Variants in GEMIN5 observed in about 807,000 individuals in gnomAD.
The protein encoded by GEMIN5 is gem-associated protein 5.
In GEMIN5, 124 loss-of-function variants were observed where a neutral mutation model predicts 176.9. The ratio of observed to expected loss-of-function variants is 0.70; its 90% CI spans 0.61 to 0.81. GEMIN5 has a LOEUF of 0.81. GEMIN5 is among the 40% of genes least tolerant of loss of function. GEMIN5 has a pLI of 0.00. For synonymous variants in GEMIN5, 673 were observed against 665.2 expected, an observed-to-expected ratio of 1.01 and a Z score of -0.18; for missense variants, 1,843 against 1,814.6, an observed-to-expected ratio of 1.02 and a Z score of -0.28.
rs768329196 is a variant in GEMIN5 at position 154,891,300 on chromosome 5, A to G, written c.4203T>C (p.Pro1401=). ...CTTCTACTTCCGGTTCATTCTTATC[A>G]GGACCATTTGCTGTGGATTTACAGA... The part of the protein sequence containing the change: ...SQLCKSTANG[P]DKNEPEVEAE... The change falls in exon 26 of 28, where the codon CCT becomes CCC. Residue 1401 remains proline, a synonymous_variant. Coordinates refer to ENST00000285873, the MANE Select transcript of GEMIN5 (RefSeq NM_015465.5). The G allele has an allele frequency of 1.9e-6, 3 of 1,613,990 alleles. No homozygotes were observed. In the South Asian group the frequency reaches 3.3e-5, roughly 18 times the overall value.
chr5:154,902,194 T>C (rs1215709344), intron 20 of GEMIN5, among the ~76,000 whole-genome samples: 1 of 152,088 alleles, frequency 6.6e-6, no homozygotes, highest in African/African-American at 2.4e-5. Flanking sequence ...AACAGAGCGC[T>C]ATAGGTCTGA....
At chr5:154,917,289 G>A (rs1763833771) in intron 12 of GEMIN5, 110 bp from the exon 13 acceptor site, 3 of 516,148 alleles carry the variant, frequency 5.8e-6, no homozygotes, top group African/African-American at 1.9e-5. Context: ...AGGTGGAAAA[G>A]GATAACCCTT....
At chr5:154,890,472 T>A (rs997070111) in intron 26 of GEMIN5, among the ~76,000 whole-genome samples, 3 of 150,168 alleles carry the variant, frequency 2.0e-5, no homozygotes, top group South Asian at 2.1e-4. Context: ...ATTTAATTTT[T>A]TTTTTTTTTT....
At chr5:154,906,558 T>C (rs1217272388) in intron 16 of GEMIN5, among the ~76,000 whole-genome samples, 1 of 152,008 alleles carries the variant, frequency 6.6e-6, no homozygotes, top group East Asian at 1.9e-4. Flanking sequence ...AGCCATTTTG[T>C]GAAAGAAAGA....
intron 9 of GEMIN5, among the ~76,000 whole-genome samples, chr5:154,923,621 T>C (rs182311609): frequency 4.7e-4 from 72 of 152,364 alleles, no homozygotes; most frequent in African/African-American, 1.7e-3. Flanking sequence ...CTGAATTTTA[T>C]TTAATCTTCA....
intron 26 of GEMIN5, among the ~76,000 whole-genome samples, chr5:154,890,072 T>G (rs951608220): frequency 6.6e-6 from 1 of 152,236 alleles, no homozygotes; most frequent in Non-Finnish European, 1.5e-5. Context: ...CTGCATCATT[T>G]TACATTCCCA....
chr5:154,932,873 T>C (rs578244810), intron 3 of GEMIN5, among the ~76,000 whole-genome samples: 1 of 152,344 alleles, frequency 6.6e-6, no homozygotes, highest in Non-Finnish European at 1.5e-5. Context: ...CCAACTCTTC[T>C]AACTAGAGAT....
At chr5:154,928,070 C>T (rs1019103822) in intron 6 of GEMIN5, among the ~76,000 whole-genome samples, 11 of 152,112 alleles carry the variant, frequency 7.2e-5, no homozygotes, top group African/African-American at 1.9e-4. Context: ...TATATACTTT[C>T]GTTCTTCTTG....
intron 1 of GEMIN5, among the ~76,000 whole-genome samples, 164 bp from the exon 2 acceptor site, chr5:154,937,349 A>C (rs558927880): frequency 2.0e-5 from 3 of 152,326 alleles, no homozygotes. Context: ...AAGTGCTGAT[A>C]TTGGCTGTGC....
At chr5:154,903,249 G>A (rs1442348092) in intron 18 of GEMIN5, 74 bp from the exon 19 acceptor site, 17 of 977,232 alleles carry the variant, frequency 1.7e-5, no homozygotes, top group East Asian at 2.4e-5. Flanking sequence ...AATAACTTCC[G>A]AATATATGTT....
At chr5:154,936,104 G>T in intron 2 of GEMIN5, 82 bp from the exon 3 acceptor site, 1 of 853,526 alleles carries the variant, frequency 1.2e-6, no homozygotes, top group Non-Finnish European at 1.8e-6. Context: ...CCAGCATAAT[G>T]CTACATATAC....
rs762503008 is a variant in GEMIN5 at position 154,903,131 on chromosome 5, G to T, written c.2677C>A (p.Leu893Met). 59 of 1,613,186 alleles carry T rather than the reference G, an allele frequency of 3.7e-5. No homozygotes were observed. Among genetic ancestry groups the T allele is most frequent in the South Asian group, 9.9e-5 (9 of 91,056 alleles). ...GTAGCCCTGTCTGTGAAAAGCCCCAGATGAAATCTTTCCTCAACATCAGCA... is the reference window on the plus strand; with the variant it reads ...GTAGCCCTGTCTGTGAAAAGCCCCATATGAAATCTTTCCTCAACATCAGCA... Reference protein sequence around the residue: ...VSADVEERFHLGLFTDRATLY... With the variant: ...VSADVEERFHMGLFTDRATLY... The change falls in exon 19 of 28, where the codon CTG becomes ATG. Residue 893 changes from leucine (L) to methionine (M), a missense_variant. Physicochemically the swap from Leu to Met is conservative, Grantham distance 15. Transcript: ENST00000285873.
intron 3 of GEMIN5, among the ~76,000 whole-genome samples, chr5:154,934,226 G>A (rs181978373): frequency 4.6e-5 from 7 of 152,086 alleles, no homozygotes; most frequent in African/African-American, 1.7e-4. Flanking sequence ...CGCTCTTGTT[G>A]CCCAGGCTGG....
chr5:154,896,259 AG>A lies in GEMIN5; in HGVS notation c.3429del (p.Ser1144LeufsTer17), dbSNP rs1458106178. ...EKQLSEGKSS[S>X]SYHTWNTGTE... ...GTGCCCGTGTTCCAAGTGTGGTAAG[AG>A]GAGGAGCTTTTGCCCTCTGAAAGCT... On this transcript the variant is annotated frameshift_variant, in exon 24 of 28. Transcript: ENST00000285873. LOFTEE classifies it high-confidence loss of function. The A allele has an allele frequency of 5.0e-6, 8 of 1,613,600 alleles. No homozygotes were observed. The highest frequency in any genetic ancestry group is 6.8e-6 in the Non-Finnish European group (8 of 1,179,766).
intron 18 of GEMIN5, among the ~76,000 whole-genome samples, 174 bp from the exon 19 acceptor site, chr5:154,903,349 A>AG (rs1763503057): frequency 6.6e-6 from 1 of 152,230 alleles, no homozygotes; most frequent in Admixed American, 6.5e-5. Context: ...AACACTTAAA[A>AG]TGTTAAAAGT....
chr5:154,932,986 C>T lies in GEMIN5; in HGVS notation c.510-736G>A, dbSNP rs76633515. On this transcript the variant is annotated intron_variant, in intron 3 of 27. Coordinates refer to ENST00000285873, the MANE Select transcript of GEMIN5 (RefSeq NM_015465.5). The stretch of plus-strand genomic sequence containing the variant: ...AGTTGCAGAATTCTACACTCTAGAC[C>T]TGCATATTCCAAGGCTGTCATTTTA... 2.6e-4 allele frequency among the ~76,000 whole-genome samples: 39 copies of T among 152,310 alleles called. No homozygotes were observed. In the East Asian group the frequency reaches 6.9e-3, roughly 27 times the overall value.
At chr5:154,912,339 A>G (rs1763718974) in intron 14 of GEMIN5, among the ~76,000 whole-genome samples, 1 of 152,182 alleles carries the variant, frequency 6.6e-6, no homozygotes, top group South Asian at 2.1e-4. Flanking sequence ...TTCTGAACTC[A>G]GTTTCACAGA....
At chr5:154,932,902 T>C (rs544102807) in intron 3 of GEMIN5, among the ~76,000 whole-genome samples, 2 of 152,342 alleles carry the variant, frequency 1.3e-5, no homozygotes, top group African/African-American at 4.8e-5. Flanking sequence ...CCTAGTGCAC[T>C]GGAAAATAAT....
In GEMIN5 at chr5:154,937,113, T is replaced by A. The variant is rs941097691; in HGVS notation, c.239A>T (p.Asn80Ile). The A allele has an allele frequency of 1.1e-5, 18 of 1,613,902 alleles. No homozygotes were observed. Among genetic ancestry groups the A allele is most frequent in the Non-Finnish European group, 1.5e-5 (18 of 1,179,810 alleles). The change falls in exon 2 of 28, where the codon AAC (asparagine) becomes ATC (isoleucine). Residue 80 changes from asparagine (N) to isoleucine (I), a missense_variant. Coordinates refer to ENST00000285873, the MANE Select transcript of GEMIN5 (RefSeq NM_015465.5). ...ATCGTCGGAGCTGGTGGCACAGAGG[T>A]TGTACTGACCAGGGTGATGAGAAAA... is the stretch of plus-strand genomic sequence containing the variant. ...FTFSHHPGQY[N>I]LCATSSDDGT...
Sources: allele counts gnomAD v4.1 joint callset (sites outside exome capture counted in the v4.1 genomes callset), GRCh38; gene constraint gnomAD v4.1.1; transcripts MANE v1.5; gene names NCBI Gene and HGNC (gene_info 2026-07-23, HGNC 2026-07-21).